The following FCMR variants were observed in gnomAD, a reference collection of about 807,000 sequenced individuals.
FCMR encodes immunoglobulin mu Fc receptor.
FCMR carries 34 observed loss-of-function variants against 41.6 expected under a neutral mutation model. The ratio of observed to expected loss-of-function variants is 0.82; its 90% confidence interval spans 0.62 to 1.09. The LOEUF (loss-of-function observed/expected upper bound fraction) is 1.09. FCMR is among the 50% of genes least tolerant of loss of function. The probability of loss-of-function intolerance (pLI) is 0.00; values close to 1 mark genes in which losing one functional copy is unlikely to be tolerated. For synonymous variants in FCMR, 209 were observed against 211.8 expected (o/e 0.99, Z 0.12); for missense variants, 496 against 512.5 (o/e 0.97, Z 0.31).
chr1:206,909,701 C>G lies in FCMR; in HGVS notation c.985+24G>C. On this transcript the variant is annotated intron_variant, in intron 6 of 7. Transcript: ENST00000367091. This position sits in a 1 kb window ranked among gnomAD's most constrained non-coding sequence, Gnocchi z 5.0. ...AGCCAGCGCACTCTTTCCGCTACTC[C>G]CCGTGGCCCGCCCGGCGGCTCACCT... 7.1e-7 allele frequency: 1 copy of G among 1,407,516 alleles called. No homozygotes were observed. Among genetic ancestry groups the G allele is most frequent in the Non-Finnish European group, 9.1e-7 (1 of 1,093,528 alleles). The allele number at this position is 1,407,516 out of a possible 1,614,324, so 87.2% of individuals were successfully genotyped here. A position where few individuals can be genotyped will look rare whatever the true frequency, so the allele number is the denominator to read the frequency against.
chr1:206,912,858 A>T (rs1161616167), intron 3 of FCMR, 71 bp downstream of exon 3: 3 of 1,046,740 alleles, frequency 2.9e-6, no homozygotes, highest in South Asian at 1.3e-5. Context: ...CTGAACATAG[A>T]CCCCCTCCTC....
chr1:206,913,119 G>T, intron 2 of FCMR, 77 bp from the exon 3 acceptor site: 1 of 1,119,344 alleles, frequency 8.9e-7, no homozygotes. Context: ...AGCTAATTCA[G>T]CCAAAGTGGA....
chr1:206,908,138 T>C, intron 7 of FCMR: 1 of 1,331,212 alleles, frequency 7.5e-7, no homozygotes, highest in Non-Finnish European at 1.1e-6. Flanking sequence ...AAGAAACAGC[T>C]CATGAGGCTA....
Position 206,910,265 on chromosome 1 carries a change from A to G in FCMR, c.786T>C (p.Leu262=). The change falls in exon 5 of 8, where the codon CTT becomes CTC. Residue 262 remains leucine, a synonymous_variant. Coordinates refer to ENST00000367091, the MANE Select transcript of FCMR (RefSeq NM_005449.5). ...FHILIPTILG[L]FLLALLGLVV... Reference sequence around the variant, plus strand: ...CCAGCCCCAGAAGTGCCAGCAGGAAAAGGCCCAGGATGGTCGGGATCAGGA... The same window carrying G: ...CCAGCCCCAGAAGTGCCAGCAGGAAGAGGCCCAGGATGGTCGGGATCAGGA... The G allele has an allele frequency of 6.3e-7, 1 of 1,586,348 alleles. No individual in the cohort carries two copies. The highest frequency in any genetic ancestry group is 8.6e-7 in the Non-Finnish European group (1 of 1,166,392).
rs1340739923 is a variant in FCMR, at chr1:206,903,880, C to A, written c.*1139G>T. 6.6e-6 allele frequency: 1 copy of A among 152,378 alleles called. No individual in the cohort carries two copies. Among genetic ancestry groups the A allele is most frequent in the Non-Finnish European group, 1.5e-5 (1 of 68,050 alleles). 9.4% of individuals were successfully genotyped at this position (152,378 alleles called of 1,614,324 possible). The stretch of plus-strand genomic sequence containing the variant: ...ACATAACTCAAGTCTGGCAGACTTT[C>A]TTCTCTATTTCTGGATGAATGCCCA... On this transcript the variant is annotated 3_prime_UTR_variant, in exon 8 of 8. Transcript: ENST00000367091.
intron 1 of FCMR, among the ~76,000 whole-genome samples, chr1:206,916,210 T>A (rs1012848239): frequency 3.9e-5 from 6 of 152,106 alleles, no homozygotes; most frequent in Non-Finnish European, 5.9e-5. Context: ...AATGGAAAGG[T>A]GACCTGTCAC....
At chr1:206,916,916 A>C (rs573035817) in intron 1 of FCMR, among the ~76,000 whole-genome samples, 23 of 152,356 alleles carry the variant, frequency 1.5e-4, no homozygotes, top group African/African-American at 5.5e-4. Flanking sequence ...ATCCTGGGCT[A>C]TATAACATTT....
chr1:206,921,964 C>A (rs909788454), upstream of FCMR: 8 of 956,092 alleles, frequency 8.4e-6, no homozygotes, highest in Admixed American at 8.1e-5. Context: ...AGATTTCTAG[C>A]CCCCACGAGG....
rs1558647944 is a variant in FCMR, at chr1:206,910,230, CT to C, written c.820del (p.Arg274GlyfsTer18). The C allele has an allele frequency of 1.9e-6, 3 of 1,603,010 alleles. No individual in the cohort carries two copies. The Admixed American group carries it at 5.1e-5, about 27-fold the overall frequency. On this transcript the variant is annotated frameshift_variant, in exon 5 of 8. Transcript: ENST00000367091. LOFTEE classifies it high-confidence loss of function. ...CTCACCTTTCCTCCTTTCAACGGCC[CT>C]TTTCACCACCAGCCCCAGAAGTGCC... is the stretch of plus-strand genomic sequence containing the variant. ...LLALLGLVVKRAVERRKALSR... is the reference protein window; with the variant it reads ...LLALLGLVVKXAVERRKALSR...
chr1:206,917,751 T>A, intron 1 of FCMR: 1 of 447,950 alleles, frequency 2.2e-6, no homozygotes, highest in South Asian at 1.6e-5. Flanking sequence ...TTCAGCCTCC[T>A]GAATAGCTGA....
At chr1:206,907,603 C>A in intron 7 of FCMR, 1 of 712,290 alleles carries the variant, frequency 1.4e-6, no homozygotes. Context: ...TTTCTTTTCC[C>A]AGGCGGCTGC....
At position 206,909,813 on chromosome 1, in the gene FCMR, G is replaced by A. The variant is rs757751118; in HGVS notation, c.897C>T (p.Ser299=). The change falls in exon 6 of 8, where the codon TCC becomes TCT. Residue 299 remains serine (S), a synonymous_variant. Coordinates refer to ENST00000367091, the MANE Select transcript of FCMR (RefSeq NM_005449.5). The surrounding 1 kb of genome is among the most constrained non-coding windows in gnomAD (Gnocchi z 5.0). ...GTCGCGGCGACCCGCGGGGCCTCTGGGAGCTCTCCAGGGCGCGCATCCTCA... is the reference window on the plus strand; with the variant it reads ...GTCGCGGCGACCCGCGGGGCCTCTGAGAGCTCTCCAGGGCGCGCATCCTCA... The part of the protein sequence containing the change: ...LAVRMRALES[S]QRPRGSPRPR... 7.0e-7 allele frequency: 1 copy of A among 1,422,854 alleles called. No homozygotes were observed. Among genetic ancestry groups the A allele is most frequent in the South Asian group, 1.5e-5 (1 of 65,314 alleles). The allele number at this position is 1,422,854 out of a possible 1,614,324, so 88.1% of individuals were successfully genotyped here. A position where few individuals can be genotyped will look rare whatever the true frequency, so the allele number is the denominator to read the frequency against.
chr1:206,905,920 T>A lies in FCMR; in HGVS notation c.1045-773A>T, dbSNP rs1456734211. ...GCAGCAGCAGCTTGCTTTGAAAACA[T>A]GTTTTCCATCAGTCAAGGAAGTAAG... On this transcript the variant is annotated intron_variant, in intron 7 of 7. Coordinates refer to ENST00000367091, the MANE Select transcript of FCMR (RefSeq NM_005449.5). The A allele has an allele frequency of 1.8e-5, 3 of 170,006 alleles. No individual in the cohort carries two copies. In the Admixed American group the frequency reaches 1.9e-4, roughly 11 times the overall value. The allele number at this position is 170,006 out of a possible 1,614,324, so 10.5% of individuals were successfully genotyped here. A position where few individuals can be genotyped will look rare whatever the true frequency, so the allele number is the denominator to read the frequency against.
chr1:206,920,369 C>T (rs536159788), intron 1 of FCMR, among the ~76,000 whole-genome samples: 2 of 150,950 alleles, frequency 1.3e-5, no homozygotes, highest in African/African-American at 2.5e-5. Flanking sequence ...GCAGGAGAAT[C>T]GCTTGAACCC....
In FCMR at chr1:206,913,839, T is replaced by C. The variant is rs976794970; in HGVS notation, c.293A>G (p.Asp98Gly). The C allele has an allele frequency of 1.2e-6, 2 of 1,614,218 alleles. No individual in the cohort carries two copies. Among genetic ancestry groups the C allele is most frequent in the Non-Finnish European group, 1.7e-6 (2 of 1,180,030 alleles). The change falls in exon 2 of 8, where the codon GAC becomes GGC. Residue 98 changes from aspartate (D) to glycine (G), a missense_variant. Asp to Gly is a moderately conservative substitution (Grantham distance 94). Transcript: ENST00000367091. Reference sequence around the variant, plus strand: ...CGCTCCGCAGGCATAGACTCCGCTGTCACTTTCTGTCAGCTGTGTTACCTC... The same window carrying C: ...CGCTCCGCAGGCATAGACTCCGCTGCCACTTTCTGTCAGCTGTGTTACCTC... Reference protein sequence around the residue: ...LVEVTQLTESDSGVYACGAGM... With the variant: ...LVEVTQLTESGSGVYACGAGM...
chr1:206,907,890 G>T, intron 7 of FCMR: 1 of 1,288,216 alleles, frequency 7.8e-7, no homozygotes, highest in Admixed American at 1.7e-5. Context: ...TGCCCCAAGA[G>T]ACCAAGTGAG....
At chr1:206,907,158 G>A (rs1279232884) in intron 7 of FCMR, among the ~76,000 whole-genome samples, 2 of 148,288 alleles carry the variant, frequency 1.3e-5, no homozygotes, top group Non-Finnish European at 3.0e-5. Flanking sequence ...TTGTTGCTGG[G>A]TACCACTCTC....
intron 4 of FCMR, 99 bp from the exon 5 acceptor site, chr1:206,910,439 A>T (rs1678888303): frequency 1.0e-6 from 1 of 983,900 alleles, no homozygotes; most frequent in Non-Finnish European, 1.4e-6. Flanking sequence ...GAGATGACTT[A>T]CAGGTTTGTC....
chr1:206,911,759 G>A lies in FCMR; in HGVS notation c.681C>T (p.Tyr227=), dbSNP rs1356198065. 6.2e-7 allele frequency: 1 copy of A among 1,610,504 alleles called. No individual in the cohort carries two copies. The highest frequency in any genetic ancestry group is 2.2e-5 in the East Asian group (1 of 44,838). ...GCCTGTGCAGCCTGGTGTGGTGGTTGTAGCTGGGCGTCTGGGGCTTGAGCA... is the reference window on the plus strand; with the variant it reads ...GCCTGTGCAGCCTGGTGTGGTGGTTATAGCTGGGCGTCTGGGGCTTGAGCA... ...EGLLKPQTPS[Y]NHHTRLHRQR... is the part of the protein sequence containing the mutation. The change falls in exon 4 of 8, where the codon TAC becomes TAT. Residue 227 remains tyrosine, a synonymous_variant. Transcript: ENST00000367091.
Sources: allele counts gnomAD v4.1 joint callset (sites outside exome capture counted in the v4.1 genomes callset), GRCh38; gene constraint gnomAD v4.1.1; non-coding constraint Gnocchi (gnomAD v3.1); transcripts MANE v1.5; gene names NCBI Gene and HGNC (gene_info 2026-07-23, HGNC 2026-07-21).